HMCN2: variants seen among roughly 807,000 people sequenced by gnomAD.
HMCN2 encodes hemicentin 2, also known as hemicentin-2.
A neutral mutation model predicts 377.5 loss-of-function variants in HMCN2; 325 were observed. That is an observed-to-expected ratio of 0.86 (90% CI 0.79 to 0.94). The LOEUF is 0.94. Among genes scored for constraint, HMCN2 ranks in the 40% least tolerant of loss-of-function variants. HMCN2 has a pLI of 0.00. For missense variants in HMCN2, 4,543 were observed against 4,725.3 expected (o/e 0.96, Z 1.13); for synonymous variants, 2,007 against 2,046.8 (o/e 0.98, Z 0.53).
At position 130,304,765 on chromosome 9, in the gene HMCN2, A is replaced by T. The variant is rs548314172; in HGVS notation, c.1579A>T (p.Thr527Ser). 1 of 470,274 alleles carries T rather than the reference A, an allele frequency of 2.1e-6. No homozygotes were observed. Among genetic ancestry groups the T allele is most frequent in the Non-Finnish European group, 4.4e-6 (1 of 226,392 alleles). The allele number at this position is 470,274 out of a possible 1,614,324, so 29.1% of individuals were successfully genotyped here. ...GCAGCTGGTCCCTGCTCCCAACGTG[A>T]CCGTGTCCCCAGGGGAGACTGCCGT... ...PPQLVPAPNVTVSPGETAVLS... is the reference protein window; with the variant it reads ...PPQLVPAPNVSVSPGETAVLS... Residue 527 changes from threonine (T) to serine (S), a missense_variant, in exon 11 of 98, where the codon ACC becomes TCC. Around this residue, in one of 5 missense-constraint regions of HMCN2, gnomAD observed 547 missense variants for 189.9 expected, o/e 2.88. Coordinates refer to ENST00000683500, the MANE Select transcript of HMCN2 (RefSeq NM_001291815.2). This position sits in a 1 kb window ranked among gnomAD's most constrained non-coding sequence, Gnocchi z 4.3.
intron 31 of HMCN2, 88 bp downstream of exon 31, chr9:130,353,293 G>T: frequency 8.3e-7 from 1 of 1,198,480 alleles, no homozygotes; most frequent in Non-Finnish European, 1.1e-6. Flanking sequence ...AGGAAGGCTA[G>T]GTGGCCACTT....
At chr9:130,355,135 G>A (rs1260456132) in intron 32 of HMCN2, 91 bp downstream of exon 32, 1 of 1,071,612 alleles carries the variant, frequency 9.3e-7, no homozygotes, top group Non-Finnish European at 1.2e-6. Flanking sequence ...CTCCTGGAGT[G>A]GAGGGAGGGT....
In HMCN2 at chr9:130,396,293, C is replaced by T. The variant is rs780633028; in HGVS notation, c.11178C>T (p.Pro3726=). The T allele has an allele frequency of 3.9e-6, 5 of 1,274,742 alleles. No individual in the cohort carries two copies. Among genetic ancestry groups the T allele is most frequent in the Admixed American group, 2.3e-5 (1 of 43,282 alleles). The allele number at this position is 1,274,742 out of a possible 1,614,324, so 79.0% of individuals were successfully genotyped here. A position where few individuals can be genotyped will look rare whatever the true frequency, so the allele number is the denominator to read the frequency against. The part of the protein sequence containing the change: ...PLVSWRKDRV[P]LDPRSPRFEI... The stretch of plus-strand genomic sequence containing the variant: ...TGAGCTGGCGGAAGGACAGGGTCCC[C>T]CTGGATCCCAGGAGCCCCAGGTGGG... Residue 3726 remains proline, a synonymous_variant, in exon 73 of 98, where the codon CCC becomes CCT. Transcript: ENST00000683500.
At position 130,365,956 on chromosome 9, in the gene HMCN2, C is replaced by T. The variant is rs940882361; in HGVS notation, c.6586C>T (p.Arg2196Trp). ...CCCTACCAGGCTGTCCTGCGAATGC[C>T]GGGGTGTCCCCTTCCCCAAGATCTC... The part of the protein sequence containing the change: ...GHPTRLSCEC[R>W]GVPFPKISWR... Residue 2196 changes from arginine (R) to tryptophan (W), a missense_variant, in exon 43 of 98, where the codon CGG becomes TGG. Transcript: ENST00000683500. The T allele has an allele frequency of 4.0e-5, 39 of 985,746 alleles. No individual in the cohort carries two copies. Among genetic ancestry groups the T allele is most frequent in the Admixed American group, 6.1e-5 (1 of 16,272 alleles). The allele number at this position is 985,746 out of a possible 1,614,324, so 61.1% of individuals were successfully genotyped here.
In HMCN2 at chr9:130,416,109, T is replaced by A. The variant is rs11244252; in HGVS notation, c.12962-2663T>A. Among the ~76,000 whole-genome samples the A allele has an allele frequency of 7.8e-4, 116 of 148,556 alleles. 1 individual carries two copies. Among genetic ancestry groups the A allele is most frequent in the South Asian group, 3.7e-3 (17 of 4,592 alleles). ...AAGTTCTAGAGGCTTTATTTTTTTTTTTTTTTTTTTTTGGAGACAGAGTCT... is the reference window on the plus strand; with the variant it reads ...AAGTTCTAGAGGCTTTATTTTTTTTATTTTTTTTTTTTGGAGACAGAGTCT... On this transcript the variant is annotated intron_variant, in intron 85 of 97. Coordinates refer to ENST00000683500, the MANE Select transcript of HMCN2 (RefSeq NM_001291815.2).
chr9:130,354,953 GA>G lies in HMCN2; in HGVS notation c.5056del (p.Ser1686AlafsTer44), dbSNP rs1303251609. 7.7e-7 allele frequency: 1 copy of G among 1,302,688 alleles called. No individual in the cohort carries two copies. Among genetic ancestry groups the G allele is most frequent in the Non-Finnish European group, 1.0e-6 (1 of 988,932 alleles). 80.7% of individuals were successfully genotyped at this position (1,302,688 alleles called of 1,614,324 possible). On this transcript the variant is annotated frameshift_variant, in exon 32 of 98. Coordinates refer to ENST00000683500, the MANE Select transcript of HMCN2 (RefSeq NM_001291815.2). LOFTEE classifies it high-confidence loss of function. ...CAGACGGGAGTGTGCTGAGGCTGGA[GA>G]GCCCGGGGGAGGCATCCAGTGGCCT... The part of the protein sequence containing the change: ...ETDGSVLRLE[S>X]PGEASSGLYS...
intron 1 of HMCN2, among the ~76,000 whole-genome samples, chr9:130,278,886 C>T (rs2131255086): frequency 6.6e-6 from 1 of 150,774 alleles, no homozygotes; most frequent in Non-Finnish European, 1.5e-5. Context: ...CAGCCTGAGA[C>T]CCTATTTTCT....
In HMCN2 at chr9:130,428,467, G is replaced by T. The variant is rs370790452; in HGVS notation, c.14175G>T (p.Val4725=). 56 of 1,542,720 alleles carry T rather than the reference G, an allele frequency of 3.6e-5. No homozygotes were observed. In the East Asian group the frequency reaches 8.1e-4, roughly 22 times the overall value. The change falls in exon 93 of 98, where the codon GTG becomes GTT. Residue 4725 remains valine, a synonymous_variant. Transcript: ENST00000683500. This position sits in a 1 kb window ranked among gnomAD's most constrained non-coding sequence, Gnocchi z 5.0. ...CLPDCGPGFR[V]ADGAGCEDVD... ...CCGACTGTGGGCCTGGCTTCCGGGT[G>T]GCTGATGGGGCCGGCTGTGAAGGTG... is the stretch of plus-strand genomic sequence containing the variant.
chr9:130,391,165 C>T, intron 63 of HMCN2, 39 bp from the exon 64 acceptor site: 3 of 987,934 alleles, frequency 3.0e-6, no homozygotes, highest in Non-Finnish European at 3.6e-6. Flanking sequence ...CATGGCAGCC[C>T]CTGCCATCAC....
Position 130,395,230 on chromosome 9 carries a change from G to GCCCCGAGGC in HMCN2, c.10800_10808dup (p.Gly3601_Arg3603dup). ...TCCCAGCCCCTCCAAACATTGTTGGGCCCCGAGGCCCCCGCTTTGTGGTCG... is the reference window on the plus strand; with the variant it reads ...TCCCAGCCCCTCCAAACATTGTTGGGCCCCGAGGCCCCCGAGGCCCCCGCTTTGTGGTCG... On this transcript the variant is annotated inframe_insertion, in exon 71 of 98. Coordinates refer to ENST00000683500, the MANE Select transcript of HMCN2 (RefSeq NM_001291815.2). The GCCCCGAGGC allele has an allele frequency of 7.0e-6, 9 of 1,288,930 alleles. No homozygotes were observed. Among genetic ancestry groups the GCCCCGAGGC allele is most frequent in the Non-Finnish European group, 9.1e-6 (9 of 988,506 alleles). 79.8% of individuals were successfully genotyped at this position (1,288,930 alleles called of 1,614,324 possible). A position where few individuals can be genotyped will look rare whatever the true frequency, so the allele number is the denominator to read the frequency against.
rs1840297411 is a variant in HMCN2 at position 130,360,245 on chromosome 9, G to A, written c.5774-183G>A. On this transcript the variant is annotated intron_variant, in intron 37 of 97. Coordinates refer to ENST00000683500, the MANE Select transcript of HMCN2 (RefSeq NM_001291815.2). The surrounding 1 kb of genome is among the most constrained non-coding windows in gnomAD (Gnocchi z 4.7). The stretch of plus-strand genomic sequence containing the variant: ...TGTGGTCACCCTGGAAGTTTCTCTT[G>A]GGTGCCCACCACACCAGCAGAGTCT... Among the ~76,000 whole-genome samples, 1 of 152,112 alleles carries A rather than the reference G, an allele frequency of 6.6e-6. No homozygotes were observed.
chr9:130,393,440 G>A lies in HMCN2; in HGVS notation c.10234+131G>A. On this transcript the variant is annotated intron_variant, in intron 67 of 97. Transcript: ENST00000683500. The surrounding 1 kb of genome is among the most constrained non-coding windows in gnomAD (Gnocchi z 5.2). ...GGCGTCGAGGAGAGCGGACACTGCG[G>A]CTCAGTCTCTGACTCACTGTATTGC... 1 of 510,286 alleles carries A rather than the reference G, an allele frequency of 2.0e-6. No individual in the cohort carries two copies. Among genetic ancestry groups the A allele is most frequent in the Non-Finnish European group, 2.6e-6 (1 of 383,548 alleles). 31.6% of individuals were successfully genotyped at this position (510,286 alleles called of 1,614,324 possible). A position where few individuals can be genotyped will look rare whatever the true frequency, so the allele number is the denominator to read the frequency against.
rs1353405224 is a variant in HMCN2, at chr9:130,360,750, AACCAT to A, written c.5950+147_5950+151del. The A allele has an allele frequency of 1.6e-5, 5 of 317,280 alleles. No individual in the cohort carries two copies. The highest frequency in any genetic ancestry group is 2.9e-5 in the Non-Finnish European group (5 of 172,342). 19.7% of individuals were successfully genotyped at this position (317,280 alleles called of 1,614,324 possible). A position where few individuals can be genotyped will look rare whatever the true frequency, so the allele number is the denominator to read the frequency against. ...TACCCCATCCATCCATCATCCATCC[AACCAT>A]CCATCCATCCATCCATCCATCCATC... is the stretch of plus-strand genomic sequence containing the variant. On this transcript the variant is annotated intron_variant, in intron 38 of 97. Transcript: ENST00000683500. The surrounding 1 kb of genome is among the most constrained non-coding windows in gnomAD (Gnocchi z 4.7).
chr9:130,302,391 C>T (rs16936966), intron 8 of HMCN2, among the ~76,000 whole-genome samples: 35,275 of 152,102 alleles, frequency 0.23, 4,935 homozygotes, highest in East Asian at 0.48. Context: ...TAACAAATTT[C>T]GATAAAACTG....
At chr9:130,432,341 C>G in intron 96 of HMCN2, 88 bp from the exon 97 acceptor site, 2 of 1,282,154 alleles carry the variant, frequency 1.6e-6, no homozygotes, top group Non-Finnish European at 2.2e-6. Context: ...ACTGGTCCCC[C>G]AAAGGTACTT....
Position 130,417,288 on chromosome 9 carries a change from G to A in HMCN2, c.12962-1484G>A, listed in dbSNP as rs910668562. On this transcript the variant is annotated intron_variant, in intron 85 of 97. Transcript: ENST00000683500. ...TATAATCCTAGCACTTTGGGAGGCC[G>A]AGGAGAGTGGATCACCAGAGGTCGG... Among the ~76,000 whole-genome samples the A allele has an allele frequency of 4.6e-5, 7 of 152,074 alleles. 1 individual carries two copies. The highest frequency in any genetic ancestry group is 4.2e-4 in the South Asian group (2 of 4,802).
At chr9:130,356,037 C>A in intron 33 of HMCN2, 51 bp from the exon 34 acceptor site, 1 of 1,158,326 alleles carries the variant, frequency 8.6e-7, no homozygotes, top group South Asian at 1.5e-5. Context: ...CCTGCCTGGC[C>A]TGGCCTTCCC....
chr9:130,424,754 C>A, intron 87 of HMCN2, 22 bp from the exon 88 acceptor site: 1 of 1,519,852 alleles, frequency 6.6e-7, no homozygotes, highest in Non-Finnish European at 8.8e-7. Context: ...CTAACCCGGC[C>A]TCTATGCCCT....
At chr9:130,401,008 G>C (rs930764023) in intron 77 of HMCN2, 61 bp downstream of exon 77, 2 of 1,224,900 alleles carry the variant, frequency 1.6e-6, no homozygotes, top group Admixed American at 2.8e-5. Flanking sequence ...GCAGGCAGAG[G>C]GGGTGAAAGG....
Sources: gnomAD v4.1 joint callset for allele counts (sites outside exome capture counted in the v4.1 genomes callset) on GRCh38, gnomAD v4.1.1 for gene constraint, gnomAD v4.1.1 regional missense constraint, Gnocchi (gnomAD v3.1) non-coding constraint, MANE v1.5 for transcripts, NCBI Gene and HGNC (gene_info 2026-07-23, HGNC 2026-07-21) for gene names.